SLC22A2: variants seen among roughly 807,000 people sequenced by gnomAD.
SLC22A2 encodes the protein organic cation transporter 2.
A neutral mutation model predicts 60.5 loss-of-function variants in SLC22A2; 46 were observed. That is an observed-to-expected ratio of 0.76 (90% CI 0.60 to 0.97). SLC22A2 has a LOEUF of 0.97. SLC22A2 is among the 50% of genes least tolerant of loss of function. SLC22A2 has a pLI of 0.00. For missense variants in SLC22A2, 701 were observed against 706.6 expected (o/e 0.99, Z 0.09); for synonymous variants, 303 against 267.0 (o/e 1.13, Z -1.31).
In SLC22A2 at chr6:160,258,359, C is replaced by G; in HGVS notation, c.399G>C (p.Ser133=). ...ACTCTCTTACCTCGGTGACGATGGA[C>G]GAGCCAGGCGTCTCGTACACCCAGC... is the stretch of plus-strand genomic sequence containing the variant. ...RDGWVYETPG[S]SIVTEFNLVC... The change falls in exon 1 of 11, where the codon TCG becomes TCC. Residue 133 remains serine, a synonymous_variant. Coordinates refer to ENST00000366953, the MANE Select transcript of SLC22A2 (RefSeq NM_003058.4). 6.2e-7 allele frequency: 1 copy of G among 1,609,364 alleles called. No homozygotes were observed. The highest frequency in any genetic ancestry group is 8.5e-7 in the Non-Finnish European group (1 of 1,177,798).
chr6:160,217,041 G>A lies in SLC22A2; in HGVS notation c.*391C>T, dbSNP rs1782550104. The A allele has an allele frequency of 6.2e-6, 1 of 160,182 alleles. No homozygotes were observed. Among genetic ancestry groups the A allele is most frequent in the African/African-American group, 2.4e-5 (1 of 41,772 alleles). The allele number at this position is 160,182 out of a possible 1,614,324, so 9.9% of individuals were successfully genotyped here. A position where few individuals can be genotyped will look rare whatever the true frequency, so the allele number is the denominator to read the frequency against. On this transcript the variant is annotated 3_prime_UTR_variant, in exon 11 of 11. Coordinates refer to ENST00000366953, the MANE Select transcript of SLC22A2 (RefSeq NM_003058.4). Reference sequence around the variant, plus strand: ...GTTTTATTTCTTTAAGAAAATAGATGCTCCTCTCCCAACTTTACTGTTTTT... The same window carrying A: ...GTTTTATTTCTTTAAGAAAATAGATACTCCTCTCCCAACTTTACTGTTTTT...
intron 1 of SLC22A2, 38 bp from the exon 2 acceptor site, chr6:160,256,755 A>C (rs1783279219): frequency 7.4e-7 from 1 of 1,350,974 alleles, no homozygotes; most frequent in Non-Finnish European, 1.1e-6. Context: ...TTGGGAGAGA[A>C]AGGAAATGAA....
chr6:160,219,533 T>G (rs906035236), intron 10 of SLC22A2, among the ~76,000 whole-genome samples: 1 of 151,876 alleles, frequency 6.6e-6, no homozygotes, highest in Non-Finnish European at 1.5e-5. Context: ...GCTGCCAGGA[T>G]TGAAACTTTG....
intron 10 of SLC22A2, among the ~76,000 whole-genome samples, chr6:160,219,723 G>C (rs973085322): frequency 6.6e-6 from 1 of 152,018 alleles, no homozygotes; most frequent in Non-Finnish European, 1.5e-5. Flanking sequence ...TTCACTTCCA[G>C]ACTACCACAA....
In SLC22A2 at chr6:160,249,302, T is replaced by C; in HGVS notation, c.756A>G (p.Leu252=). The change falls in exon 4 of 11, where the codon CTA becomes CTG. Residue 252 remains leucine, a synonymous_variant. Transcript: ENST00000366953. ...QVAYTVGLLV[L]AGVAYALPHW... is the part of the protein sequence containing the mutation. The stretch of plus-strand genomic sequence containing the variant: ...GAGGAAGTGCGTAAGCCACCCCAGC[T>C]AGCACCAGGAGCCCAACTGTATAGG... 1 of 1,613,424 alleles carries C rather than the reference T, an allele frequency of 6.2e-7. No homozygotes were observed. The highest frequency in any genetic ancestry group is 8.5e-7 in the Non-Finnish European group (1 of 1,179,422).
chr6:160,247,356 CA>C, intron 4 of SLC22A2, 58 bp from the exon 5 acceptor site: 6 of 896,770 alleles, frequency 6.7e-6, no homozygotes, highest in Non-Finnish European at 1.1e-5. Flanking sequence ...CCCCATCCCC[CA>C]TTTTTTTATA....
chr6:160,242,338 C>T lies in SLC22A2; in HGVS notation c.1344G>A (p.Glu448=). The T allele has an allele frequency of 2.5e-6, 4 of 1,610,686 alleles. No individual in the cohort carries two copies. Among genetic ancestry groups the T allele is most frequent in the Non-Finnish European group, 3.4e-6 (4 of 1,176,858 alleles). ...GCTCAGCATTGACCAGGCAGACTAT[C>T]TCATAGGCCATTGTGATCCCCATTC... ...LGRMGITMAY[E]IVCLVNAELY... Residue 448 remains glutamate (E), a synonymous_variant, in exon 8 of 11, where the codon GAG becomes GAA. Transcript: ENST00000366953.
intron 9 of SLC22A2, among the ~76,000 whole-genome samples, chr6:160,234,317 G>A (rs1165883011): frequency 1.3e-5 from 2 of 152,158 alleles, no homozygotes; most frequent in Non-Finnish European, 2.9e-5. Flanking sequence ...ACACGGACAC[G>A]AGTGAAAGTT....
At chr6:160,227,645 T>C (rs1182038783) in intron 9 of SLC22A2, among the ~76,000 whole-genome samples, 1 of 152,216 alleles carries the variant, frequency 6.6e-6, no homozygotes. Context: ...TTACAGAATT[T>C]AGCTTTTTTC....
intron 1 of SLC22A2, among the ~76,000 whole-genome samples, 197 bp downstream of exon 1, chr6:160,258,147 G>A (rs1405222493): frequency 6.6e-6 from 1 of 152,228 alleles, no homozygotes; most frequent in East Asian, 1.9e-4. Flanking sequence ...ATCTGAGGAC[G>A]TTTTAACTAA....
chr6:160,234,962 C>A (rs1782887587), intron 9 of SLC22A2, among the ~76,000 whole-genome samples: 1 of 152,104 alleles, frequency 6.6e-6, no homozygotes, highest in Non-Finnish European at 1.5e-5. Context: ...TTTCTCTGAG[C>A]AAAAAATATC....
chr6:160,218,247 G>A (rs1477458067), intron 10 of SLC22A2: 2 of 212,714 alleles, frequency 9.4e-6, no homozygotes, highest in African/African-American at 5.0e-5. Flanking sequence ...CAGATGGGGA[G>A]GTAAAATCAA....
In SLC22A2 at chr6:160,250,432, A is replaced by C. The variant is rs1783163198; in HGVS notation, c.673+116T>G. 44 of 923,988 alleles carry C rather than the reference A, an allele frequency of 4.8e-5. No individual in the cohort carries two copies. In the South Asian group the frequency reaches 5.3e-4, roughly 11 times the overall value. 57.2% of individuals were successfully genotyped at this position (923,988 alleles called of 1,614,324 possible). The stretch of plus-strand genomic sequence containing the variant: ...ATTCTTTTGATACAGAAATAAAAAA[A>C]TCTCTCAATATTGTCTTGAAGCTGG... On this transcript the variant is annotated intron_variant, in intron 3 of 10. Coordinates refer to ENST00000366953, the MANE Select transcript of SLC22A2 (RefSeq NM_003058.4).
chr6:160,239,706 G>C (rs1486601722), intron 9 of SLC22A2, among the ~76,000 whole-genome samples: 1 of 152,164 alleles, frequency 6.6e-6, no homozygotes, highest in East Asian at 1.9e-4. Context: ...GCCAGTGTTG[G>C]GGGAGAAAGA....
At chr6:160,249,406 T>A in intron 3 of SLC22A2, 22 bp from the exon 4 acceptor site, 1 of 1,602,438 alleles carries the variant, frequency 6.2e-7, no homozygotes, top group Non-Finnish European at 8.5e-7. Context: ...ATTTGAATGG[T>A]TAATGCAATT....
intron 9 of SLC22A2, among the ~76,000 whole-genome samples, chr6:160,233,226 G>T (rs1782853574): frequency 6.6e-6 from 1 of 151,950 alleles, no homozygotes; most frequent in South Asian, 2.1e-4. Flanking sequence ...TGGATGGGTA[G>T]AGGCCTTTTC....
chr6:160,245,957 T>C (rs1447567922), intron 5 of SLC22A2, among the ~76,000 whole-genome samples: 1 of 145,836 alleles, frequency 6.9e-6, no homozygotes, highest in Non-Finnish European at 1.5e-5. Context: ...AACATCTGCC[T>C]CCCGGGCTCA....
chr6:160,234,799 T>C (rs1024871094), intron 9 of SLC22A2, among the ~76,000 whole-genome samples: 1 of 152,240 alleles, frequency 6.6e-6, no homozygotes, highest in Non-Finnish European at 1.5e-5. Flanking sequence ...AACCAGCCAA[T>C]GCTGTAGCTC....
intron 9 of SLC22A2, among the ~76,000 whole-genome samples, chr6:160,230,310 G>T (rs547335506): frequency 3.3e-5 from 5 of 152,004 alleles, no homozygotes; most frequent in African/African-American, 1.2e-4. Context: ...TGGAGCTAAA[G>T]GCGTAGTCAA....
Sources: gnomAD v4.1 joint callset for allele counts (sites outside exome capture counted in the v4.1 genomes callset) on GRCh38, gnomAD v4.1.1 for gene constraint, MANE v1.5 for transcripts, NCBI Gene and HGNC (gene_info 2026-07-23, HGNC 2026-07-21) for gene names.